The following MMRN2 variants were observed in gnomAD, a reference collection of about 807,000 sequenced individuals.
MMRN2 encodes the protein multimerin 2.
A neutral mutation model predicts 68.8 loss-of-function variants in MMRN2; 53 were observed. The ratio of observed to expected loss-of-function variants is 0.77; its 90% CI spans 0.62 to 0.97. The LOEUF is 0.97. MMRN2 is among the 50% of genes least tolerant of loss of function. The pLI is 0.00. For synonymous variants in MMRN2, 564 were observed against 551.6 expected (o/e 1.02, Z -0.32); for missense variants, 1,266 against 1,259.5 (o/e 1.01, Z -0.08).
At chr10:86,955,003 G>GGAGAAGCCTGAGGCTGGTGACTGGGGCC (rs1844199017) in intron 1 of MMRN2, among the ~76,000 whole-genome samples, 1 of 152,004 alleles carries the variant, frequency 6.6e-6, no homozygotes, top group Non-Finnish European at 1.5e-5. Flanking sequence ...GTAAGGGTCA[G>GGAGAAGCCTGAGGCTGGTGACTGGGGCC]GAGAAGCCTG....
In MMRN2 at chr10:86,943,214, C is replaced by T. The variant is rs1195310189; in HGVS notation, c.1570G>A (p.Glu524Lys). The T allele has an allele frequency of 1.2e-6, 2 of 1,610,068 alleles. No homozygotes were observed. Among genetic ancestry groups the T allele is most frequent in the South Asian group, 1.1e-5 (1 of 91,018 alleles). Reference protein sequence around the residue: ...ALEETQVSLDERRQLDGSSLQ... With the variant: ...ALEETQVSLDKRRQLDGSSLQ... ...GAGGAGCCGTCCAGCTGCCGCCGCTCGTCCAGGCTCACCTGGGTCTCCTCC... is the reference window on the plus strand; with the variant it reads ...GAGGAGCCGTCCAGCTGCCGCCGCTTGTCCAGGCTCACCTGGGTCTCCTCC... Residue 524 changes from glutamate to lysine, a missense_variant, in exon 6 of 7, where the codon GAG (glutamate) becomes AAG (lysine). Physicochemically the swap from Glu to Lys is moderately conservative, Grantham distance 56 (BLOSUM62 1). Transcript: ENST00000372027. The surrounding 1 kb of genome is among the most constrained non-coding windows in gnomAD (Gnocchi z 4.2).
chr10:86,952,536 G>T (rs1035963202), intron 1 of MMRN2, among the ~76,000 whole-genome samples: 1 of 152,174 alleles, frequency 6.6e-6, no homozygotes, highest in African/African-American at 2.4e-5. Context: ...ATCACCTATC[G>T]GTAGGACTGT....
chr10:86,953,468 T>C (rs1482893977), intron 1 of MMRN2, among the ~76,000 whole-genome samples: 3 of 152,198 alleles, frequency 2.0e-5, no homozygotes, highest in South Asian at 2.1e-4. Context: ...GGCTCCAGCC[T>C]GTCCCTCCGT....
In MMRN2 at chr10:86,943,139, C is replaced by T. The variant is rs1268206271; in HGVS notation, c.1645G>A (p.Ala549Thr). The T allele has an allele frequency of 3.2e-6, 5 of 1,585,740 alleles. No homozygotes were observed. Among genetic ancestry groups the T allele is most frequent in the South Asian group, 2.2e-5 (2 of 89,068 alleles). The change falls in exon 6 of 7, where the codon GCG becomes ACG. Residue 549 changes from alanine to threonine, a missense_variant. Transcript: ENST00000372027. This position sits in a 1 kb window ranked among gnomAD's most constrained non-coding sequence, Gnocchi z 4.2. ...GCCCGCTCGCCCTCCGCTTTGTGCG[C>T]GTCCACGGCCAGCGACACGGCGTCC... ...AVDAVSLAVD[A>T]HKAEGERARA...
Position 86,943,738 on chromosome 10 carries a change from G to T in MMRN2, c.1046C>A (p.Thr349Asn). ...RLHKAQEAPG[T>N]NGSLVLATPG... ...CGTTGCCAACACCAGACTGCCATTGGTCCCTGGGGCCTCCTGAGCCTTGTG... is the reference window on the plus strand; with the variant it reads ...CGTTGCCAACACCAGACTGCCATTGTTCCCTGGGGCCTCCTGAGCCTTGTG... Residue 349 changes from threonine (T) to asparagine (N), a missense_variant, in exon 6 of 7, where the codon ACC becomes AAC. Thr to Asn is a moderately conservative substitution (Grantham distance 65, BLOSUM62 0). Transcript: ENST00000372027. The surrounding 1 kb of genome is among the most constrained non-coding windows in gnomAD (Gnocchi z 4.2). 1 of 1,608,502 alleles carries T rather than the reference G, an allele frequency of 6.2e-7. No individual in the cohort carries two copies. Among genetic ancestry groups the T allele is most frequent in the Non-Finnish European group, 8.5e-7 (1 of 1,179,984 alleles).
At chr10:86,952,154 A>G (rs1844154006) in intron 1 of MMRN2, among the ~76,000 whole-genome samples, 1 of 152,220 alleles carries the variant, frequency 6.6e-6, no homozygotes, top group African/African-American at 2.4e-5. Context: ...TTGGCTCAGG[A>G]TTCGATATGC....
chr10:86,945,461 G>A lies in MMRN2; in HGVS notation c.309C>T (p.His103=), dbSNP rs770100249. ...TCTGCTTGACCTGGTACACTGGCTT[G>A]TGGGCCATGCGGTACCTGGAAGAGG... The part of the protein sequence containing the change: ...QKVKVMYRMA[H]KPVYQVKQKV... Residue 103 remains histidine, a synonymous_variant, in exon 3 of 7, where the codon CAC becomes CAT. Transcript: ENST00000372027. 6.4e-7 allele frequency: 1 copy of A among 1,558,838 alleles called. No homozygotes were observed. Among genetic ancestry groups the A allele is most frequent in the Non-Finnish European group, 8.7e-7 (1 of 1,150,916 alleles).
rs566109558 is a variant in MMRN2 at position 86,955,804 on chromosome 10, C to G, written c.164+1574G>C. ...CAGCTTCTGGATGTGGGAAGGAGAGCCCTGCAGGCAGGGGGCTTCCAGGCT... is the reference window on the plus strand; with the variant it reads ...CAGCTTCTGGATGTGGGAAGGAGAGGCCTGCAGGCAGGGGGCTTCCAGGCT... On this transcript the variant is annotated intron_variant, in intron 1 of 6. Coordinates refer to ENST00000372027, the MANE Select transcript of MMRN2 (RefSeq NM_024756.3). Among the ~76,000 whole-genome samples the G allele has an allele frequency of 3.3e-5, 5 of 152,236 alleles. No individual in the cohort carries two copies. In the South Asian group the frequency reaches 1.0e-3, roughly 32 times the overall value.
Position 86,943,102 on chromosome 10 carries a change from G to C in MMRN2, c.1682C>G (p.Thr561Arg), listed in dbSNP as rs944294419. 1 of 1,465,910 alleles carries C rather than the reference G, an allele frequency of 6.8e-7. No individual in the cohort carries two copies. Among genetic ancestry groups the C allele is most frequent in the African/African-American group, 1.5e-5 (1 of 68,196 alleles). 90.8% of individuals were successfully genotyped at this position (1,465,910 alleles called of 1,614,324 possible). A position where few individuals can be genotyped will look rare whatever the true frequency, so the allele number is the denominator to read the frequency against. Residue 561 changes from threonine (T) to arginine (R), a missense_variant, in exon 6 of 7, where the codon ACG becomes AGG. Physicochemically the swap from Thr to Arg is moderately conservative, Grantham distance 71. Coordinates refer to ENST00000372027, the MANE Select transcript of MMRN2 (RefSeq NM_024756.3). This position sits in a 1 kb window ranked among gnomAD's most constrained non-coding sequence, Gnocchi z 4.2. Reference sequence around the variant, plus strand: ...CTGCACTTGGCTCCGGAGCCGCGACGTGGCCGCCCGCGCCCGCTCGCCCTC... The same window carrying C: ...CTGCACTTGGCTCCGGAGCCGCGACCTGGCCGCCCGCGCCCGCTCGCCCTC... Reference protein sequence around the residue: ...KAEGERARAATSRLRSQVQAL... With the variant: ...KAEGERARAARSRLRSQVQAL...
intron 1 of MMRN2, 132 bp from the exon 2 acceptor site, chr10:86,945,821 G>A (rs1408185094): frequency 6.6e-7 from 1 of 1,508,152 alleles, no homozygotes; most frequent in East Asian, 2.4e-5. Flanking sequence ...CCTGAGAAGA[G>A]AGCCTTCCGC....
chr10:86,950,987 C>T (rs1473088910), intron 1 of MMRN2, among the ~76,000 whole-genome samples: 1 of 152,048 alleles, frequency 6.6e-6, no homozygotes, highest in Non-Finnish European at 1.5e-5. Flanking sequence ...ACTCGGGAGG[C>T]TGAGGCAGGA....
intron 6 of MMRN2, among the ~76,000 whole-genome samples, chr10:86,941,657 G>C (rs1843968612): frequency 6.6e-6 from 1 of 151,808 alleles, no homozygotes; most frequent in African/African-American, 2.4e-5. Context: ...AATTAGCTAG[G>C]CATGGTGACA....
At position 86,943,737 on chromosome 10, in the gene MMRN2, G is replaced by T. The variant is rs777034006; in HGVS notation, c.1047C>A (p.Thr349=). Residue 349 remains threonine, a synonymous_variant, in exon 6 of 7, where the codon ACC becomes ACA. Coordinates refer to ENST00000372027, the MANE Select transcript of MMRN2 (RefSeq NM_024756.3). This position sits in a 1 kb window ranked among gnomAD's most constrained non-coding sequence, Gnocchi z 4.2. ...GCGTTGCCAACACCAGACTGCCATT[G>T]GTCCCTGGGGCCTCCTGAGCCTTGT... ...RLHKAQEAPG[T]NGSLVLATPG... is the part of the protein sequence containing the mutation. 6 of 1,608,402 alleles carry T rather than the reference G, an allele frequency of 3.7e-6. No individual in the cohort carries two copies. The African/African-American group carries it at 4.0e-5, about 11-fold the overall frequency.
chr10:86,945,296 C>T, intron 3 of MMRN2, 28 bp from the exon 4 acceptor site: 1 of 1,612,826 alleles, frequency 6.2e-7, no homozygotes, highest in Non-Finnish European at 8.5e-7. Context: ...AGTTATTGAC[C>T]CCAGTGGTCA....
chr10:86,939,043 T>G (rs1045305570), intron 6 of MMRN2, among the ~76,000 whole-genome samples: 1 of 151,268 alleles, frequency 6.6e-6, no homozygotes, highest in African/African-American at 2.4e-5. Flanking sequence ...ATACCTGTAA[T>G]CCCAGCTACT....
At chr10:86,951,377 C>T (rs1844141310) in intron 1 of MMRN2, among the ~76,000 whole-genome samples, 1 of 152,230 alleles carries the variant, frequency 6.6e-6, no homozygotes, top group Non-Finnish European at 1.5e-5. Flanking sequence ...TGGGGCCTCT[C>T]CTTCAAAAAG....
In MMRN2 at chr10:86,943,854, G is replaced by A. The variant is rs1253891636; in HGVS notation, c.930C>T (p.Asp310=). ...GCTGGGCGTGCAGGCGGTCCTCCAC[G>A]TCCTGTCGCAGCTGACCCACTCTCT... ...NTQRVGQLRQ[D]VEDRLHAQHF... is the part of the protein sequence containing the mutation. Residue 310 remains aspartate (D), a synonymous_variant, in exon 6 of 7, where the codon GAC becomes GAT. Transcript: ENST00000372027. This position sits in a 1 kb window ranked among gnomAD's most constrained non-coding sequence, Gnocchi z 4.2. The A allele has an allele frequency of 1.4e-5, 23 of 1,613,460 alleles. No individual in the cohort carries two copies. Among genetic ancestry groups the A allele is most frequent in the African/African-American group, 2.7e-5 (2 of 74,936 alleles).
At chr10:86,948,751 C>T (rs4478896) in intron 1 of MMRN2, 63,462 of 151,782 alleles carry the variant, frequency 0.42, 13,450 homozygotes, top group African/African-American at 0.47. Context: ...CTCAGGAGTT[C>T]GAGACCAGCC....
At chr10:86,939,827 G>T (rs1381226121) in intron 6 of MMRN2, among the ~76,000 whole-genome samples, 28 of 135,462 alleles carry the variant, frequency 2.1e-4, no homozygotes, top group African/African-American at 5.9e-4. Flanking sequence ...GTGTGTGTGT[G>T]TGTGTGTGTG....
Sources: gnomAD v4.1 joint callset for allele counts (sites outside exome capture counted in the v4.1 genomes callset) on GRCh38, gnomAD v4.1.1 for gene constraint, Gnocchi (gnomAD v3.1) non-coding constraint, MANE v1.5 for transcripts, NCBI Gene and HGNC (gene_info 2026-07-23, HGNC 2026-07-21) for gene names.